The following PELI1 variants were observed in gnomAD, a reference collection of about 807,000 sequenced individuals.
PELI1 encodes the protein E3 ubiquitin-protein ligase pellino homolog 1.
In PELI1, 15 loss-of-function variants were observed where a neutral mutation model predicts 41.3. That is an observed-to-expected ratio of 0.36 (90% CI 0.24 to 0.56). The LOEUF (loss-of-function observed/expected upper bound fraction) is 0.56, where lower values mean the gene tolerates loss of function less well. Ranked by LOEUF, PELI1 falls within the 20% of genes least tolerant of loss-of-function variation. The probability of loss-of-function intolerance (pLI) is 0.82; values close to 1 mark genes in which losing one functional copy is unlikely to be tolerated. For synonymous variants in PELI1, 178 were observed against 180.1 expected, an observed-to-expected ratio of 0.99 and a Z score of 0.09; for missense variants, 403 against 525.5, an observed-to-expected ratio of 0.77 and a Z score of 2.28.
chr2:64,141,501 A>T (rs1404112827), intron 1 of PELI1, among the ~76,000 whole-genome samples: 3 of 152,198 alleles, frequency 2.0e-5, no homozygotes, highest in Admixed American at 2.0e-4. Flanking sequence ...TTTCAATTCT[A>T]AGTCTTTGGC....
chr2:64,119,418 C>A (rs115908229), intron 1 of PELI1, among the ~76,000 whole-genome samples: 319 of 152,266 alleles, frequency 2.1e-3, no homozygotes, highest in African/African-American at 7.3e-3. Flanking sequence ...TACAGAAAAC[C>A]TTCTCACAGA....
At chr2:64,137,696 T>C (rs1347134878) in intron 1 of PELI1, among the ~76,000 whole-genome samples, 1 of 152,170 alleles carries the variant, frequency 6.6e-6, no homozygotes, top group Non-Finnish European at 1.5e-5. Context: ...TTTTTAGAAA[T>C]AGCCTCAAGT....
chr2:64,115,360 G>A (rs1456798964), intron 1 of PELI1, among the ~76,000 whole-genome samples: 1 of 152,170 alleles, frequency 6.6e-6, no homozygotes, highest in Non-Finnish European at 1.5e-5. Flanking sequence ...ATTCTTTTAG[G>A]TCAACAGAGG....
At chr2:64,113,895 A>G (rs1213134980) in intron 1 of PELI1, among the ~76,000 whole-genome samples, 1 of 152,140 alleles carries the variant, frequency 6.6e-6, no homozygotes, top group East Asian at 1.9e-4. Flanking sequence ...CAACCTAACA[A>G]ATGTTTTCTT....
At chr2:64,104,623 C>G in intron 3 of PELI1, 78 bp downstream of exon 3, 1 of 1,454,376 alleles carries the variant, frequency 6.9e-7, no homozygotes. Flanking sequence ...AAGGGGAATG[C>G]TAGAGAATAC....
chr2:64,111,663 T>C (rs1342184801), intron 1 of PELI1, among the ~76,000 whole-genome samples: 1 of 152,232 alleles, frequency 6.6e-6, no homozygotes, highest in African/African-American at 2.4e-5. Flanking sequence ...AATAAACTTA[T>C]GCTAAGCTAA....
intron 1 of PELI1, among the ~76,000 whole-genome samples, chr2:64,123,746 G>A (rs939528007): frequency 1.3e-5 from 2 of 152,182 alleles, no homozygotes; most frequent in Admixed American, 1.3e-4. Flanking sequence ...AGTTCCTCCA[G>A]ATTAAACATT....
intron 1 of PELI1, chr2:64,143,207 T>G (rs1681970178): frequency 6.6e-6 from 1 of 152,220 alleles, no homozygotes; most frequent in Admixed American, 6.5e-5. Context: ...GACGTGAGTT[T>G]ATGATTTACA....
At chr2:64,107,619 G>A (rs540268846) in intron 2 of PELI1, among the ~76,000 whole-genome samples, 45 of 152,198 alleles carry the variant, frequency 3.0e-4, no homozygotes, top group African/African-American at 1.0e-3. Flanking sequence ...GGCAAAACAT[G>A]GGATAGGGAA....
At chr2:64,114,674 G>A (rs1487431197) in intron 1 of PELI1, among the ~76,000 whole-genome samples, 3 of 152,108 alleles carry the variant, frequency 2.0e-5, no homozygotes, top group Non-Finnish European at 4.4e-5. Context: ...CCTTTAACTG[G>A]GGCTTCTCAA....
In PELI1 at chr2:64,094,967, C is replaced by T. The variant is rs1042843601; in HGVS notation, c.992G>A (p.Arg331His). The change falls in exon 7 of 7, where the codon CGT becomes CAT. Residue 331 changes from arginine (R) to histidine (H), a missense_variant. By Grantham distance (29) the Arg-to-His change is conservative. Transcript: ENST00000358912. ...AACAGACCTACACATAGGACATTCACGATCTTTTCCATCACGTTCTTCTTT... is the reference window on the plus strand; with the variant it reads ...AACAGACCTACACATAGGACATTCATGATCTTTTCCATCACGTTCTTCTTT... ...GNKEERDGKD[R>H]ECPMCRSVGP... 2 of 1,614,208 alleles carry T rather than the reference C, an allele frequency of 1.2e-6. No individual in the cohort carries two copies. Among genetic ancestry groups the T allele is most frequent in the East Asian group, 2.2e-5 (1 of 44,888 alleles).
At chr2:64,113,688 T>C (rs1360553861) in intron 1 of PELI1, among the ~76,000 whole-genome samples, 2 of 152,168 alleles carry the variant, frequency 1.3e-5, no homozygotes, top group Non-Finnish European at 1.5e-5. Flanking sequence ...TGGGAGAACA[T>C]GAAAAGTTAC....
intron 2 of PELI1, chr2:64,106,372 C>T (rs916339830): frequency 1.3e-5 from 2 of 152,200 alleles, no homozygotes; most frequent in Non-Finnish European, 2.9e-5. Flanking sequence ...ATTACTGTTG[C>T]TAATGATTAA....
At chr2:64,105,233 A>G (rs1680581598) in intron 2 of PELI1, among the ~76,000 whole-genome samples, 1 of 152,226 alleles carries the variant, frequency 6.6e-6, no homozygotes, top group South Asian at 2.1e-4. Context: ...TGTTTAAAAC[A>G]CAATCTCCTT....
At position 64,092,694 on chromosome 2, in the gene PELI1, T is replaced by A. The variant is rs1191389495; in HGVS notation, c.*2008A>T. On this transcript the variant is annotated 3_prime_UTR_variant, in exon 7 of 7. Coordinates refer to ENST00000358912, the MANE Select transcript of PELI1 (RefSeq NM_020651.4). The stretch of plus-strand genomic sequence containing the variant: ...AAGTTCCTTTATTAGTAAGAGATGC[T>A]TTTAAAAAAGAACCAGATACTTTAA... 1 of 152,166 alleles carries A rather than the reference T, an allele frequency of 6.6e-6. No individual in the cohort carries two copies. The highest frequency in any genetic ancestry group is 1.5e-5 in the Non-Finnish European group (1 of 68,028). The allele number at this position is 152,166 out of a possible 1,614,324, so 9.4% of individuals were successfully genotyped here. A position where few individuals can be genotyped will look rare whatever the true frequency, so the allele number is the denominator to read the frequency against.
intron 1 of PELI1, among the ~76,000 whole-genome samples, chr2:64,140,223 G>A (rs1681854330): frequency 6.6e-6 from 1 of 152,192 alleles, no homozygotes. Flanking sequence ...TAAATTACAT[G>A]TGTGTTGAAT....
At chr2:64,108,116 A>G in intron 2 of PELI1, 124 bp downstream of exon 2, 2 of 623,126 alleles carry the variant, frequency 3.2e-6, no homozygotes, top group Non-Finnish European at 5.8e-6. Flanking sequence ...CATTACCTGT[A>G]GCTTTAAATT....
rs778466078 is a variant in PELI1, at chr2:64,095,197, A to G, written c.762T>C (p.Arg254=). The change falls in exon 7 of 7, where the codon CGT becomes CGC. Residue 254 remains arginine, a synonymous_variant. Transcript: ENST00000358912. Reference sequence around the variant, plus strand: ...GAGTGTGGGAAAGGCCTTCTGCAGTACGCCATAACAATGTTGCACCACAGA... The same window carrying G: ...GAGTGTGGGAAAGGCCTTCTGCAGTGCGCCATAACAATGTTGCACCACAGA... ...IDLCGATLLW[R]TAEGLSHTPT... is the part of the protein sequence containing the mutation. 4 of 1,614,000 alleles carry G rather than the reference A, an allele frequency of 2.5e-6. No homozygotes were observed. Among genetic ancestry groups the G allele is most frequent in the East Asian group, 4.5e-5 (2 of 44,894 alleles).
At chr2:64,130,407 T>C (rs563751939) in intron 1 of PELI1, among the ~76,000 whole-genome samples, 2 of 152,340 alleles carry the variant, frequency 1.3e-5, no homozygotes, top group South Asian at 2.1e-4. Context: ...AAAATTCTAA[T>C]AGTATTTCAA....
Sources: allele counts gnomAD v4.1 joint callset (sites outside exome capture counted in the v4.1 genomes callset), GRCh38; gene constraint gnomAD v4.1.1; transcripts MANE v1.5; gene names NCBI Gene and HGNC (gene_info 2026-07-23, HGNC 2026-07-21).